Variants in SBF2 observed in about 807,000 individuals in gnomAD.
The protein encoded by SBF2 is myotubularin-related protein 13.
A neutral mutation model predicts 225.2 loss-of-function variants in SBF2; 112 were observed. That is an observed-to-expected ratio of 0.50 (90% confidence interval 0.43 to 0.58). The LOEUF (loss-of-function observed/expected upper bound fraction) is 0.58, where lower values mean the gene tolerates loss of function less well. Among genes scored for constraint, SBF2 ranks in the 20% least tolerant of loss-of-function variants. SBF2 has a pLI of 0.00. For missense variants in SBF2, 1,996 were observed against 2,206.2 expected, an observed-to-expected ratio of 0.90 and a Z score of 1.91; for synonymous variants, 763 against 773.3, an observed-to-expected ratio of 0.99 and a Z score of 0.22.
chr11:10,081,538 C>T (rs1225410041), intron 2 of SBF2, among the ~76,000 whole-genome samples: 2 of 151,988 alleles, frequency 1.3e-5, no homozygotes, highest in South Asian at 2.1e-4. Flanking sequence ...ACGGATAGAT[C>T]GTCTGAGGTC....
At chr11:9,908,616 G>C (rs1862306483) in intron 16 of SBF2, among the ~76,000 whole-genome samples, 1 of 152,042 alleles carries the variant, frequency 6.6e-6, no homozygotes, top group Admixed American at 6.6e-5. Flanking sequence ...GACAGAGCGA[G>C]ACTCCGTCTC....
At chr11:9,918,635 T>C (rs1863317608) in intron 16 of SBF2, among the ~76,000 whole-genome samples, 2 of 152,228 alleles carry the variant, frequency 1.3e-5, no homozygotes, top group South Asian at 4.1e-4. Context: ...CCTTCCAAAG[T>C]GCTGAGATTA....
chr11:10,151,836 T>C (rs1291434939), intron 2 of SBF2, among the ~76,000 whole-genome samples: 1 of 152,266 alleles, frequency 6.6e-6, no homozygotes, highest in East Asian at 1.9e-4. Context: ...ACTATGCATA[T>C]GATTCCTATA....
chr11:9,787,762 T>C (rs1408125699), intron 35 of SBF2, 24 bp from the exon 36 acceptor site: 1 of 1,598,188 alleles, frequency 6.3e-7, no homozygotes, highest in Admixed American at 1.7e-5. Context: ...AAAAGTTTTC[T>C]GATCAGTATT....
chr11:10,255,493 G>C (rs1960789492), intron 1 of SBF2, among the ~76,000 whole-genome samples: 1 of 152,116 alleles, frequency 6.6e-6, no homozygotes, highest in South Asian at 2.1e-4. Flanking sequence ...GGTAGCAAAA[G>C]TAAATAAGTT....
intron 2 of SBF2, among the ~76,000 whole-genome samples, chr11:10,078,291 A>T (rs916303725): frequency 6.6e-6 from 1 of 152,260 alleles, no homozygotes; most frequent in African/African-American, 2.4e-5. Context: ...ATATACCCAA[A>T]GGATTATCAA....
chr11:10,293,928 C>CGGCCCCGACGCCCGGCCCCGACGCCA, intron 1 of SBF2, 87 bp downstream of exon 1: 1 of 1,026,340 alleles, frequency 9.7e-7, no homozygotes, highest in Non-Finnish European at 1.2e-6. Flanking sequence ...CCCCGACGCC[C>CGGCCCCGACGCCCGGCCCCGACGCCA]GTCCCCGACG....
intron 1 of SBF2, among the ~76,000 whole-genome samples, chr11:10,261,914 G>A (rs1961475693): frequency 1.3e-5 from 2 of 152,120 alleles, no homozygotes; most frequent in Admixed American, 6.5e-5. Context: ...TCTAGAATAG[G>A]AAAAATTAAT....
chr11:10,032,101 T>A (rs1256033514), intron 3 of SBF2, among the ~76,000 whole-genome samples: 1 of 152,200 alleles, frequency 6.6e-6, no homozygotes, highest in Non-Finnish European at 1.5e-5. Context: ...CTGAACTGAA[T>A]ACTTAAAAAT....
At chr11:10,071,152 T>G (rs1416369227) in intron 2 of SBF2, among the ~76,000 whole-genome samples, 2 of 152,182 alleles carry the variant, frequency 1.3e-5, no homozygotes, top group Middle Eastern at 3.2e-3. Context: ...TACCCTTTAT[T>G]TCTTTCTCTT....
At chr11:9,892,786 C>G (rs562717342) in intron 17 of SBF2, among the ~76,000 whole-genome samples, 77 of 152,164 alleles carry the variant, frequency 5.1e-4, no homozygotes, top group African/African-American at 1.7e-3. Context: ...CTTCAACTCC[C>G]AACCTCAGGT....
At chr11:10,180,198 T>G (rs1291474173) in intron 2 of SBF2, among the ~76,000 whole-genome samples, 6 of 152,170 alleles carry the variant, frequency 3.9e-5, no homozygotes, top group Admixed American at 3.9e-4. Context: ...GATGATGTCT[T>G]ATTTCTTATT....
chr11:10,159,747 G>A (rs1228371476), intron 2 of SBF2, among the ~76,000 whole-genome samples: 3 of 152,074 alleles, frequency 2.0e-5, no homozygotes, highest in African/African-American at 7.2e-5. Context: ...AAAATTAGCC[G>A]GGCGCAGTGG....
In SBF2 at chr11:9,946,448, T is replaced by C. The variant is rs138394362; in HGVS notation, c.1860+15509A>G. Among the ~76,000 whole-genome samples the C allele has an allele frequency of 6.3e-3, 933 of 147,552 alleles. 10 individuals are homozygous for C. The highest frequency in any genetic ancestry group is 0.021 in the African/African-American group (885 of 41,244). On this transcript the variant is annotated intron_variant, in intron 16 of 39. Transcript: ENST00000256190. ...TATTATATTTCTTTTTTTCTTTCTT[T>C]CTTTCTTTTTTTTTTTTTTGAGATG...
chr11:10,169,065 G>T (rs1452148080), intron 2 of SBF2, among the ~76,000 whole-genome samples: 1 of 151,764 alleles, frequency 6.6e-6, no homozygotes, highest in East Asian at 1.9e-4. Context: ...AATTTTTATG[G>T]GTACACAGGT....
chr11:9,876,358 A>G (rs577110104), intron 17 of SBF2, among the ~76,000 whole-genome samples: 36 of 152,122 alleles, frequency 2.4e-4, no homozygotes, highest in Non-Finnish European at 7.4e-5. Flanking sequence ...TTATAAACTG[A>G]ATGTTTGTGT....
At chr11:10,185,502 G>A (rs1956901259) in intron 2 of SBF2, among the ~76,000 whole-genome samples, 1 of 152,050 alleles carries the variant, frequency 6.6e-6, no homozygotes, top group African/African-American at 2.4e-5. Flanking sequence ...ACCCAAGCTG[G>A]AGTTGCAGTG....
chr11:10,181,141 A>C (rs1956719911), intron 2 of SBF2, among the ~76,000 whole-genome samples: 1 of 152,024 alleles, frequency 6.6e-6, no homozygotes, highest in South Asian at 2.1e-4. Context: ...TAGTCTATTA[A>C]TTTTTTAAGT....
chr11:10,254,585 A>T (rs1228531067), intron 1 of SBF2, among the ~76,000 whole-genome samples: 3 of 151,432 alleles, frequency 2.0e-5, no homozygotes, highest in Admixed American at 2.0e-4. Flanking sequence ...GTATACATAC[A>T]CAATTGAATA....
Sources: allele counts gnomAD v4.1 joint callset (sites outside exome capture counted in the v4.1 genomes callset), GRCh38; gene constraint gnomAD v4.1.1; transcripts MANE v1.5; gene names NCBI Gene and HGNC (gene_info 2026-07-23, HGNC 2026-07-21).